The following COL6A6 variants were observed in gnomAD, a reference collection of about 807,000 sequenced individuals.
COL6A6 encodes collagen alpha-6(VI) chain.
A neutral mutation model predicts 208.6 loss-of-function variants in COL6A6; 183 were observed. That is an observed-to-expected ratio of 0.88 (90% CI 0.78 to 0.99). The LOEUF (loss-of-function observed/expected upper bound fraction) is 0.99. Among genes scored for constraint, COL6A6 ranks in the 50% least tolerant of loss-of-function variants. The probability of loss-of-function intolerance (pLI) is 0.00; values close to 1 mark genes in which losing one functional copy is unlikely to be tolerated. For synonymous variants in COL6A6, 973 were observed against 1,011.8 expected (o/e 0.96, Z 0.73); for missense variants, 2,816 against 2,815.2 (o/e 1.00, Z -0.01).
Position 130,563,384 on chromosome 3 carries a change from C to A in COL6A6, c.381C>A (p.Asp127Glu), listed in dbSNP as rs200045160. 154 of 1,613,862 alleles carry A rather than the reference C, an allele frequency of 9.5e-5. No homozygotes were observed. The highest frequency in any genetic ancestry group is 3.3e-4 in the Middle Eastern group (2 of 6,084). Residue 127 changes from aspartate (D) to glutamate (E), a missense_variant, in exon 3 of 37, where the codon GAC becomes GAA. Transcript: ENST00000358511. ...TCTCTGCACCCGCAAATGGGAGAGACAAGAAACAGTTTCCCCCAATTCTAG... is the reference window on the plus strand; with the variant it reads ...TCTCTGCACCCGCAAATGGGAGAGAAAAGAAACAGTTTCCCCCAATTCTAG... ...TYFSAPANGR[D>E]KKQFPPILVV... is the part of the protein sequence containing the mutation.
chr3:130,650,165 C>T (rs2065590735), intron 33 of COL6A6, among the ~76,000 whole-genome samples: 1 of 152,122 alleles, frequency 6.6e-6, no homozygotes, highest in African/African-American at 2.4e-5. Flanking sequence ...TAAAATATCC[C>T]GTTAATAGTG....
At chr3:130,674,204 C>T (rs1049718351) in intron 36 of COL6A6, among the ~76,000 whole-genome samples, 2 of 152,164 alleles carry the variant, frequency 1.3e-5, no homozygotes, top group Admixed American at 6.5e-5. Context: ...CTGGCCAATA[C>T]AGTAGCCACC....
chr3:130,536,450 G>A (rs1019188562), intron 1 of COL6A6, among the ~76,000 whole-genome samples: 8 of 152,306 alleles, frequency 5.3e-5, no homozygotes, highest in Admixed American at 5.2e-4. Context: ...AAGACCATAA[G>A]CAAGGAAACA....
chr3:130,586,433 T>C, intron 10 of COL6A6, 73 bp from the exon 11 acceptor site: 1 of 1,394,074 alleles, frequency 7.2e-7, no homozygotes, highest in Non-Finnish European at 9.8e-7. Flanking sequence ...AGAATAACAA[T>C]TTAAATATGC....
At chr3:130,649,682 A>C in intron 33 of COL6A6, 120 bp downstream of exon 33, 1 of 1,057,334 alleles carries the variant, frequency 9.5e-7, no homozygotes, top group Admixed American at 2.9e-5. Context: ...AAAATTCTGG[A>C]TTGGCAGAGT....
intron 1 of COL6A6, among the ~76,000 whole-genome samples, chr3:130,556,083 T>A (rs2062762130): frequency 6.6e-6 from 1 of 152,190 alleles, no homozygotes; most frequent in Non-Finnish European, 1.5e-5. Flanking sequence ...CCATACTCTG[T>A]GTCCATGGGT....
chr3:130,625,412 A>G (rs537384207), intron 24 of COL6A6, among the ~76,000 whole-genome samples: 1 of 152,292 alleles, frequency 6.6e-6, no homozygotes, highest in South Asian at 2.1e-4. Context: ...GTAACTTGGC[A>G]TTAGGGAAAC....
chr3:130,645,478 A>T (rs1230113902), intron 32 of COL6A6, among the ~76,000 whole-genome samples: 1 of 152,026 alleles, frequency 6.6e-6, no homozygotes, highest in Non-Finnish European at 1.5e-5. Context: ...GGGTTTTGCC[A>T]TGTTGCCCAG....
chr3:130,655,716 AAG>A (rs1250771305), intron 33 of COL6A6, among the ~76,000 whole-genome samples: 1 of 152,236 alleles, frequency 6.6e-6, no homozygotes, highest in Non-Finnish European at 1.5e-5. Flanking sequence ...TATTTGCACT[AAG>A]AGCTATTTGT....
At position 130,574,474 on chromosome 3, in the gene COL6A6, A is replaced by G; in HGVS notation, c.3496A>G (p.Lys1166Glu). ...AGTGCACAACTTCGATGAACTGAAG[A>G]AGGTCAATAAAAGGATCGTTCGCAA... ...LTVHNFDELK[K>E]VNKRIVRNIC... is the part of the protein sequence containing the mutation. The change falls in exon 8 of 37, where the codon AAG becomes GAG. Residue 1166 changes from lysine (K) to glutamate (E), a missense_variant. Physicochemically the swap from Lys to Glu is moderately conservative, Grantham distance 56. Transcript: ENST00000358511. 1.2e-6 allele frequency: 2 copies of G among 1,614,034 alleles called. No individual in the cohort carries two copies. The highest frequency in any genetic ancestry group is 1.7e-6 in the Non-Finnish European group (2 of 1,179,890).
chr3:130,634,502 T>C, intron 26 of COL6A6, 88 bp from the exon 27 acceptor site: 1 of 1,209,272 alleles, frequency 8.3e-7, no homozygotes, highest in Non-Finnish European at 1.2e-6. Context: ...GTACCAAAAC[T>C]ACACAGGGCA....
intron 8 of COL6A6, among the ~76,000 whole-genome samples, chr3:130,575,003 A>G (rs905856810): frequency 3.9e-5 from 6 of 152,224 alleles, no homozygotes; most frequent in African/African-American, 1.4e-4. Flanking sequence ...CTTCTTTACA[A>G]TTAGTGCATT....
At chr3:130,647,813 G>C (rs1006780473) in intron 32 of COL6A6, among the ~76,000 whole-genome samples, 3 of 152,172 alleles carry the variant, frequency 2.0e-5, no homozygotes, top group African/African-American at 7.2e-5. Flanking sequence ...AATGAGAGGA[G>C]GCACCTCTCC....
At chr3:130,664,886 T>C (rs769839203) in intron 35 of COL6A6, 117 bp from the exon 36 acceptor site, 1 of 665,764 alleles carries the variant, frequency 1.5e-6, no homozygotes, top group South Asian at 1.8e-5. Context: ...ATCACCTTAG[T>C]TGGTATTTTT....
intron 1 of COL6A6, among the ~76,000 whole-genome samples, chr3:130,549,327 T>TA (rs1450194432): frequency 1.3e-5 from 2 of 152,154 alleles, no homozygotes; most frequent in African/African-American, 4.8e-5. Context: ...TGGCCACTTT[T>TA]AAAAATTTCT....
rs372431409 is a variant in COL6A6 at position 130,661,991 on chromosome 3, G to C, written c.6185G>C (p.Gly2062Ala). 44 of 1,613,980 alleles carry C rather than the reference G, an allele frequency of 2.7e-5. 1 individual carries two copies. In the South Asian group the frequency reaches 4.7e-4, roughly 17 times the overall value. The change falls in exon 35 of 37, where the codon GGT becomes GCT. Residue 2062 changes from glycine (G) to alanine (A), a missense_variant. Transcript: ENST00000358511. Reference protein sequence around the residue: ...VKQLNGDAFIGHALQWTLDNV... With the variant: ...VKQLNGDAFIAHALQWTLDNV... ...CAACTAAATGGAGATGCTTTTATTG[G>C]TCATGCCTTACAGTGGACTCTGGAC...
intron 26 of COL6A6, among the ~76,000 whole-genome samples, chr3:130,627,836 T>A (rs756630943): frequency 1.3e-5 from 2 of 152,214 alleles, no homozygotes; most frequent in Non-Finnish European, 2.9e-5. Flanking sequence ...CACTGAATAT[T>A]TAGGTGGCTG....
chr3:130,602,715 TA>T lies in COL6A6; in HGVS notation c.4653+2911del, dbSNP rs1387835955. On this transcript the variant is annotated intron_variant, in intron 20 of 36. Transcript: ENST00000358511. ...AAAATTAGATGTAATATTTTAATTT[TA>T]AAAAAGTTTAATATGGTTGCTTTTT... 3.9e-5 allele frequency among the ~76,000 whole-genome samples: 6 copies of T among 152,214 alleles called. No homozygotes were observed. The East Asian group carries it at 1.2e-3, about 29-fold the overall frequency.
chr3:130,604,794 G>C (rs114122533), intron 20 of COL6A6, among the ~76,000 whole-genome samples: 144 of 152,350 alleles, frequency 9.5e-4, no homozygotes, highest in African/African-American at 3.0e-3. Flanking sequence ...GAAACATTGC[G>C]ACAGCAAGCC....
Sources: gnomAD v4.1 joint callset for allele counts (sites outside exome capture counted in the v4.1 genomes callset) on GRCh38, gnomAD v4.1.1 for gene constraint, MANE v1.5 for transcripts, NCBI Gene and HGNC (gene_info 2026-07-23, HGNC 2026-07-21) for gene names.